Variants in VPS13B observed in about 807,000 individuals in gnomAD.
VPS13B encodes the protein intermembrane lipid transfer protein VPS13B.
A neutral mutation model predicts 426.4 loss-of-function variants in VPS13B; 285 were observed. The ratio of observed to expected loss-of-function variants is 0.67; its 90% CI spans 0.61 to 0.74. The LOEUF (loss-of-function observed/expected upper bound fraction) is 0.74. Ranked by LOEUF, VPS13B falls within the 30% of genes least tolerant of loss-of-function variation. The pLI, the probability that VPS13B is intolerant of heterozygous loss-of-function variation, is 0.00. For synonymous variants in VPS13B, 1,676 were observed against 1,676.4 expected (o/e 1.00, Z 0.01); for missense variants, 4,537 against 4,782.6 (o/e 0.95, Z 1.51).
At position 99,603,039 on chromosome 8, in the gene VPS13B, G is replaced by GA. The variant is rs529321857; in HGVS notation, c.5220+25412dup. Among the ~76,000 whole-genome samples the GA allele has an allele frequency of 5.9e-5, 9 of 152,120 alleles. No individual in the cohort carries two copies. In the South Asian group the frequency reaches 1.7e-3, roughly 28 times the overall value. On this transcript the variant is annotated intron_variant, in intron 33 of 61. Transcript: ENST00000357162. ...AATTACTGGTTTTATTTCCAAATATGAAAAAAGACAAGCATGTTGAAATGT... is the reference window on the plus strand; with the variant it reads ...AATTACTGGTTTTATTTCCAAATATGAAAAAAAGACAAGCATGTTGAAATGT...
chr8:99,654,033 T>TGA (rs1243194892), intron 34 of VPS13B, among the ~76,000 whole-genome samples: 106 of 146,414 alleles, frequency 7.2e-4, no homozygotes, highest in Non-Finnish European at 9.8e-4. Flanking sequence ...ATGATGATGA[T>TGA]TATTATTATT....
intron 17 of VPS13B, among the ~76,000 whole-genome samples, chr8:99,212,352 A>G (rs1815138686): frequency 6.6e-6 from 1 of 152,198 alleles, no homozygotes; most frequent in African/African-American, 2.4e-5. Flanking sequence ...ATTGAAACCA[A>G]TGAGATGTCA....
chr8:99,015,454 G>A (rs1841564135), intron 2 of VPS13B, among the ~76,000 whole-genome samples: 1 of 150,870 alleles, frequency 6.6e-6, no homozygotes, highest in Admixed American at 6.6e-5. Flanking sequence ...CTGACCTCAT[G>A]ATCCGCCCGC....
At chr8:99,274,146 A>G (rs1818763857) in intron 17 of VPS13B, 52 bp from the exon 18 acceptor site, 1 of 1,611,118 alleles carries the variant, frequency 6.2e-7, no homozygotes, top group Non-Finnish European at 8.5e-7. Flanking sequence ...GAAGGAATAT[A>G]AAAATTATTT....
At position 99,170,102 on chromosome 8, in the gene VPS13B, C is replaced by G. The variant is rs1483935385; in HGVS notation, c.2272C>G (p.Pro758Ala). The change falls in exon 16 of 62, where the codon CCA becomes GCA. Residue 758 changes from proline (P) to alanine (A), a missense_variant. Around this residue, in one of 2 missense-constraint regions of VPS13B, gnomAD observed 4,311 missense variants for 4,474.3 expected, o/e 0.96. Transcript: ENST00000357162. ...CAGTGGATCTTACTGCTTACCTGTACCAGTTATTCCCTCTTTCAGCACTGC... is the reference window on the plus strand; with the variant it reads ...CAGTGGATCTTACTGCTTACCTGTAGCAGTTATTCCCTCTTTCAGCACTGC... ...DCSGSYCLPV[P>A]VIPSFSTALY... The G allele has an allele frequency of 5.0e-6, 8 of 1,612,966 alleles. No individual in the cohort carries two copies. Among genetic ancestry groups the G allele is most frequent in the East Asian group, 2.2e-5 (1 of 44,838 alleles).
At chr8:99,362,599 T>C (rs1812632625) in intron 19 of VPS13B, among the ~76,000 whole-genome samples, 1 of 152,198 alleles carries the variant, frequency 6.6e-6, no homozygotes, top group Non-Finnish European at 1.5e-5. Flanking sequence ...AAATGTAGTA[T>C]GAGTAAAGAG....
chr8:99,807,611 C>T (rs1979116), intron 43 of VPS13B, among the ~76,000 whole-genome samples: 1 of 151,172 alleles, frequency 6.6e-6, no homozygotes, highest in African/African-American at 2.4e-5. Flanking sequence ...TATTCTGGTA[C>T]TTTTATGTTG....
chr8:99,815,999 T>C (rs1386966714), intron 44 of VPS13B, among the ~76,000 whole-genome samples: 1 of 152,054 alleles, frequency 6.6e-6, no homozygotes, highest in Non-Finnish European at 1.5e-5. Flanking sequence ...ACCTAGCTAA[T>C]TTTTAAATTT....
At position 99,275,104 on chromosome 8, in the gene VPS13B, A is replaced by G. The variant is rs773863718; in HGVS notation, c.2674A>G (p.Ile892Val). The change falls in exon 19 of 62, where the codon ATT becomes GTT. Residue 892 changes from isoleucine (I) to valine (V), a missense_variant. Ile to Val is a conservative substitution (Grantham distance 29). Transcript: ENST00000357162. ...AGTTGATAGTGGAAAAGAGAAGTTG[A>G]TTCCCTTGCTTCAGGGTCCTTCTGA... is the stretch of plus-strand genomic sequence containing the variant. The part of the protein sequence containing the change: ...APVDSGKEKL[I>V]PLLQGPSDTK... 1 of 1,605,720 alleles carries G rather than the reference A, an allele frequency of 6.2e-7. No individual in the cohort carries two copies. The highest frequency in any genetic ancestry group is 8.5e-7 in the Non-Finnish European group (1 of 1,176,732).
At chr8:99,217,335 G>T (rs76553063) in intron 17 of VPS13B, among the ~76,000 whole-genome samples, 1 of 152,116 alleles carries the variant, frequency 6.6e-6, no homozygotes, top group East Asian at 1.9e-4. Flanking sequence ...AAACTGGGGC[G>T]CAGAGGCAGT....
In VPS13B at chr8:99,720,955, A is replaced by G; in HGVS notation, c.6958A>G (p.Arg2320Gly). ...GMMLWRYPEP[R>G]VLTLVRITPV... is the part of the protein sequence containing the mutation. The stretch of plus-strand genomic sequence containing the variant: ...GATGTTATGGAGATATCCAGAACCT[A>G]GAGTACTCACCCTTGTACGAATAAC... Residue 2320 changes from arginine (R) to glycine (G), a missense_variant, in exon 39 of 62, where the codon AGA becomes GGA. By Grantham distance (125) the Arg-to-Gly change is moderately radical. Around this residue, in one of 2 missense-constraint regions of VPS13B, gnomAD observed 4,311 missense variants for 4,474.3 expected, o/e 0.96. Coordinates refer to ENST00000357162, the MANE Select transcript of VPS13B (RefSeq NM_152564.5). The G allele has an allele frequency of 6.2e-7, 1 of 1,614,030 alleles. No homozygotes were observed.
At chr8:99,637,060 G>T (rs1829100521) in intron 33 of VPS13B, among the ~76,000 whole-genome samples, 1 of 152,038 alleles carries the variant, frequency 6.6e-6, no homozygotes, top group Non-Finnish European at 1.5e-5. Flanking sequence ...ACAGCAAGCA[G>T]ATACTGCTAT....
intron 39 of VPS13B, among the ~76,000 whole-genome samples, chr8:99,742,230 A>C (rs1210095774): frequency 2.6e-5 from 4 of 152,236 alleles, no homozygotes; most frequent in Non-Finnish European, 5.9e-5. Flanking sequence ...TCTAGAAGAA[A>C]TGGATAAATT....
chr8:99,579,138 T>C (rs1825919738), intron 33 of VPS13B, among the ~76,000 whole-genome samples: 2 of 152,184 alleles, frequency 1.3e-5, no homozygotes, highest in Non-Finnish European at 2.9e-5. Context: ...ATACAGGCTA[T>C]ATAATGAGAA....
intron 58 of VPS13B, among the ~76,000 whole-genome samples, chr8:99,866,594 G>C (rs1387857585): frequency 6.6e-6 from 1 of 152,266 alleles, no homozygotes; most frequent in African/African-American, 2.4e-5. Flanking sequence ...TGTGGCCAGA[G>C]AAAACGGAAG....
At chr8:99,084,491 G>A (rs1397062861) in intron 3 of VPS13B, among the ~76,000 whole-genome samples, 2 of 152,058 alleles carry the variant, frequency 1.3e-5, no homozygotes, top group East Asian at 3.9e-4. Context: ...CTTGCCTTCT[G>A]CTAGCTTTTG....
chr8:99,855,716 T>A (rs1484587974), intron 56 of VPS13B, among the ~76,000 whole-genome samples: 1 of 152,220 alleles, frequency 6.6e-6, no homozygotes, highest in African/African-American at 2.4e-5. Flanking sequence ...AGATTACATT[T>A]TCTCCATAAT....
At chr8:99,360,762 A>C (rs1253640786) in intron 19 of VPS13B, among the ~76,000 whole-genome samples, 3 of 152,176 alleles carry the variant, frequency 2.0e-5, no homozygotes, top group Non-Finnish European at 4.4e-5. Context: ...AGTGCCACTG[A>C]CAGAAGTAAG....
chr8:99,318,883 A>T (rs764314427), intron 19 of VPS13B, among the ~76,000 whole-genome samples: 4 of 152,132 alleles, frequency 2.6e-5, no homozygotes, highest in Non-Finnish European at 5.9e-5. Flanking sequence ...TGTTATTTTA[A>T]GGCCAAAGAA....
Sources: allele counts gnomAD v4.1 joint callset (sites outside exome capture counted in the v4.1 genomes callset), GRCh38; gene constraint gnomAD v4.1.1; regional missense constraint gnomAD v4.1.1; transcripts MANE v1.5; gene names NCBI Gene and HGNC (gene_info 2026-07-23, HGNC 2026-07-21).